Variants in RUNX2 observed in about 807,000 individuals in gnomAD.
RUNX2 encodes the protein runt-related transcription factor 2.
RUNX2 carries 10 observed loss-of-function variants against 51.7 expected under a neutral mutation model. That is an observed-to-expected ratio of 0.19 (90% CI 0.12 to 0.33). The LOEUF (loss-of-function observed/expected upper bound fraction) is 0.33, where lower values mean the gene tolerates loss of function less well. RUNX2 is among the 10% of genes least tolerant of loss of function. RUNX2 has a pLI of 1.00. For synonymous variants in RUNX2, 276 were observed against 273.6 expected (o/e 1.01, Z -0.09); for missense variants, 562 against 691.3 (o/e 0.81, Z 2.10).
chr6:45,454,773 A>C (rs575102385), intron 5 of RUNX2, among the ~76,000 whole-genome samples: 2 of 152,118 alleles, frequency 1.3e-5, no homozygotes, highest in Admixed American at 1.3e-4. Flanking sequence ...TCCTGGTGCT[A>C]TTTGGTCAGT....
chr6:45,465,208 T>C (rs1372330197), intron 5 of RUNX2, among the ~76,000 whole-genome samples: 2 of 152,206 alleles, frequency 1.3e-5, no homozygotes, highest in Non-Finnish European at 2.9e-5. Flanking sequence ...TTGTAGGCAT[T>C]CCATAGATAC....
intron 2 of RUNX2, among the ~76,000 whole-genome samples, chr6:45,411,707 A>G (rs776979432): frequency 1.3e-5 from 2 of 152,208 alleles, no homozygotes; most frequent in Non-Finnish European, 2.9e-5. Flanking sequence ...ATGAAGGACT[A>G]TATATTATAA....
intron 2 of RUNX2, among the ~76,000 whole-genome samples, chr6:45,352,204 G>T (rs1386853043): frequency 6.6e-6 from 1 of 151,978 alleles, no homozygotes; most frequent in Admixed American, 6.6e-5. Flanking sequence ...CAGTCCCAAA[G>T]GACTTACAAA....
chr6:45,507,187 A>T (rs561592195), intron 6 of RUNX2, among the ~76,000 whole-genome samples: 187 of 152,242 alleles, frequency 1.2e-3, no homozygotes, highest in African/African-American at 4.0e-3. Context: ...ATTTGAAAAG[A>T]CACACCATCC....
chr6:45,480,497 G>A (rs377447165), intron 5 of RUNX2, among the ~76,000 whole-genome samples: 14 of 152,264 alleles, frequency 9.2e-5, no homozygotes, highest in Middle Eastern at 3.4e-3. Flanking sequence ...GACATAGCAC[G>A]TAACAGACAT....
chr6:45,371,688 T>C (rs1209326394), intron 2 of RUNX2, among the ~76,000 whole-genome samples: 1 of 152,228 alleles, frequency 6.6e-6, no homozygotes, highest in East Asian at 1.9e-4. Flanking sequence ...TACATGGTCA[T>C]TAAGTTATCT....
rs1006840092 is a variant in RUNX2 at position 45,358,662 on chromosome 6, T to A, written c.58+29878T>A. 2.0e-5 allele frequency among the ~76,000 whole-genome samples: 3 copies of A among 152,170 alleles called. No homozygotes were observed. In the East Asian group the frequency reaches 5.8e-4, roughly 29 times the overall value. Reference sequence around the variant, plus strand: ...TCATTTAATCTTCGTACTAACCCTGTGAGGTAGATACAGGTTCACAGTCTC... The same window carrying A: ...TCATTTAATCTTCGTACTAACCCTGAGAGGTAGATACAGGTTCACAGTCTC... On this transcript the variant is annotated intron_variant, in intron 2 of 8. Transcript: ENST00000647337.
rs1221592263 is a variant in RUNX2 at position 45,525,611 on chromosome 6, A to G, written c.1021+13204A>G. Among the ~76,000 whole-genome samples the G allele has an allele frequency of 2.6e-5, 4 of 152,228 alleles. No homozygotes were observed. In the East Asian group the frequency reaches 7.7e-4, roughly 29 times the overall value. ...TTGGGCTAGTTTTTCCCCAAGGTAT[A>G]TCATAAAGTTTTTGATGTCTGTGAT... On this transcript the variant is annotated intron_variant, in intron 7 of 8. Coordinates refer to ENST00000647337, the MANE Select transcript of RUNX2 (RefSeq NM_001024630.4).
intron 2 of RUNX2, among the ~76,000 whole-genome samples, chr6:45,354,739 C>G (rs900351935): frequency 6.6e-6 from 1 of 151,954 alleles, no homozygotes; most frequent in Non-Finnish European, 1.5e-5. Context: ...GTGGGTCACC[C>G]CTGTATTCCC....
At chr6:45,526,765 G>A (rs1206952357) in intron 7 of RUNX2, among the ~76,000 whole-genome samples, 1 of 152,160 alleles carries the variant, frequency 6.6e-6, no homozygotes, top group Non-Finnish European at 1.5e-5. Flanking sequence ...TCTAAATTCA[G>A]GCTTCTTTAC....
chr6:45,503,689 G>A (rs1161572457), intron 6 of RUNX2, among the ~76,000 whole-genome samples: 2 of 152,180 alleles, frequency 1.3e-5, no homozygotes, highest in East Asian at 1.9e-4. Context: ...GGTATGACAT[G>A]TGGTATAGCC....
At chr6:45,410,531 T>C (rs376517068) in intron 2 of RUNX2, among the ~76,000 whole-genome samples, 2 of 152,206 alleles carry the variant, frequency 1.3e-5, no homozygotes, top group Non-Finnish European at 2.9e-5. Flanking sequence ...CCAGAACTTA[T>C]GCTGACTGTG....
At chr6:45,359,870 C>T (rs925535369) in intron 2 of RUNX2, among the ~76,000 whole-genome samples, 48 of 152,136 alleles carry the variant, frequency 3.2e-4, no homozygotes, top group Non-Finnish European at 5.1e-4. Flanking sequence ...ACGACAAAAT[C>T]CTGCCTCTAC....
chr6:45,378,531 C>T (rs1349172234), intron 2 of RUNX2, among the ~76,000 whole-genome samples: 3 of 152,234 alleles, frequency 2.0e-5, no homozygotes, highest in Non-Finnish European at 4.4e-5. Context: ...CGCGCCATCA[C>T]TCCCTACCCT....
At chr6:45,355,908 T>G (rs968033178) in intron 2 of RUNX2, among the ~76,000 whole-genome samples, 2 of 152,090 alleles carry the variant, frequency 1.3e-5, no homozygotes, top group Non-Finnish European at 2.9e-5. Context: ...AAAATTTAAT[T>G]TCCCCCCCTT....
chr6:45,514,739 C>T (rs773775657), intron 7 of RUNX2, among the ~76,000 whole-genome samples: 3 of 152,054 alleles, frequency 2.0e-5, no homozygotes, highest in Admixed American at 6.5e-5. Context: ...ACCATGTCAT[C>T]GGAGTGTGCA....
intron 2 of RUNX2, among the ~76,000 whole-genome samples, chr6:45,331,022 T>C (rs1787370948): frequency 6.6e-6 from 1 of 151,966 alleles, no homozygotes; most frequent in African/African-American, 2.4e-5. Context: ...TTTTGTAAAA[T>C]AGTTAAAAAG....
intron 2 of RUNX2, among the ~76,000 whole-genome samples, chr6:45,333,686 C>T (rs1194331511): frequency 6.6e-6 from 1 of 151,098 alleles, no homozygotes; most frequent in Non-Finnish European, 1.5e-5. Flanking sequence ...AAAAAACAAT[C>T]CCCAAATAAG....
At chr6:45,431,673 A>C (rs1264662186) in intron 3 of RUNX2, among the ~76,000 whole-genome samples, 190 bp from the exon 4 acceptor site, 1 of 152,202 alleles carries the variant, frequency 6.6e-6, no homozygotes, top group Non-Finnish European at 1.5e-5. Context: ...AAATGGGTGG[A>C]CCCTGAAACA....
Sources: gnomAD v4.1 joint callset for allele counts (sites outside exome capture counted in the v4.1 genomes callset) on GRCh38, gnomAD v4.1.1 for gene constraint, MANE v1.5 for transcripts, NCBI Gene and HGNC (gene_info 2026-07-23, HGNC 2026-07-21) for gene names.